The following KCNAB1 variants were observed in gnomAD, a reference collection of about 807,000 sequenced individuals.
KCNAB1 encodes the protein voltage-gated potassium channel subunit beta-1.
KCNAB1 carries 35 observed loss-of-function variants against 64.6 expected under a neutral mutation model. The ratio of observed to expected loss-of-function variants is 0.54; its 90% CI spans 0.41 to 0.72. The LOEUF is 0.72. Among genes scored for constraint, KCNAB1 ranks in the 30% least tolerant of loss-of-function variants. KCNAB1 has a pLI of 0.00. For synonymous variants in KCNAB1, 177 were observed against 183.8 expected (o/e 0.96, Z 0.30); for missense variants, 401 against 512.9 (o/e 0.78, Z 2.11).
chr3:156,467,631 T>TAC (rs1713517923), intron 7 of KCNAB1, among the ~76,000 whole-genome samples: 1 of 151,948 alleles, frequency 6.6e-6, no homozygotes, highest in African/African-American at 2.4e-5. Flanking sequence ...ATATTTTAAA[T>TAC]ATATATATAA....
chr3:156,406,587 T>C (rs1025632261), intron 1 of KCNAB1, among the ~76,000 whole-genome samples: 1 of 152,144 alleles, frequency 6.6e-6, no homozygotes, highest in African/African-American at 2.4e-5. Flanking sequence ...TTCTTCCTAA[T>C]CCAGAGAATC....
chr3:156,513,307 C>T (rs1023365868), intron 8 of KCNAB1, among the ~76,000 whole-genome samples: 3 of 151,984 alleles, frequency 2.0e-5, no homozygotes, highest in Non-Finnish European at 2.9e-5. Context: ...AATCCTGTTC[C>T]GTATCAATCT....
intron 1 of KCNAB1, among the ~76,000 whole-genome samples, chr3:156,293,171 C>A (rs1720559745): frequency 6.6e-6 from 1 of 152,166 alleles, no homozygotes; most frequent in Admixed American, 6.5e-5. Flanking sequence ...TTATGTGACT[C>A]CTGCCTCCTC....
In KCNAB1 at chr3:156,406,135, C is replaced by G. The variant is rs1714231176; in HGVS notation, c.276-15481C>G. 2.0e-5 allele frequency among the ~76,000 whole-genome samples: 3 copies of G among 152,130 alleles called. No individual in the cohort carries two copies. In the South Asian group the frequency reaches 6.2e-4, roughly 32 times the overall value. On this transcript the variant is annotated intron_variant, in intron 1 of 13. Transcript: ENST00000490337. ...GAAATTTGTTAGCAAATGCATCTTA[C>G]ATTGGTATAAATTCAGAGAGCAATA... is the stretch of plus-strand genomic sequence containing the variant.
Position 156,359,922 on chromosome 3 carries a change from C to G in KCNAB1, c.276-61694C>G, listed in dbSNP as rs145402171. Among the ~76,000 whole-genome samples the G allele has an allele frequency of 3.5e-4, 54 of 152,300 alleles. 1 individual carries two copies. Among genetic ancestry groups the G allele is most frequent in the African/African-American group, 1.3e-3 (52 of 41,572 alleles). On this transcript the variant is annotated intron_variant, in intron 1 of 13. Coordinates refer to ENST00000490337, the MANE Select transcript of KCNAB1 (RefSeq NM_172160.3). Reference sequence around the variant, plus strand: ...AAAATCCAAGTTTGTGTCCTATCCTCCCACATACTAGTGGACCATTTTACT... The same window carrying G: ...AAAATCCAAGTTTGTGTCCTATCCTGCCACATACTAGTGGACCATTTTACT...
At chr3:156,382,587 C>T (rs556600706) in intron 1 of KCNAB1, among the ~76,000 whole-genome samples, 7 of 152,122 alleles carry the variant, frequency 4.6e-5, no homozygotes, top group African/African-American at 1.7e-4. Context: ...TGCCATTTAC[C>T]GACTATTTTT....
At chr3:156,193,590 A>G (rs1334149980) in intron 1 of KCNAB1, among the ~76,000 whole-genome samples, 1 of 152,160 alleles carries the variant, frequency 6.6e-6, no homozygotes, top group Non-Finnish European at 1.5e-5. Context: ...CAATCATGGC[A>G]AAAGGGGAAG....
chr3:156,445,152 C>A (rs968194670), intron 2 of KCNAB1, among the ~76,000 whole-genome samples: 1 of 152,030 alleles, frequency 6.6e-6, no homozygotes, highest in East Asian at 1.9e-4. Flanking sequence ...AAAAATTGGC[C>A]GGGCACGGTG....
At chr3:156,361,295 C>T (rs1339048863) in intron 1 of KCNAB1, among the ~76,000 whole-genome samples, 1 of 152,086 alleles carries the variant, frequency 6.6e-6, no homozygotes, top group Non-Finnish European at 1.5e-5. Flanking sequence ...CTGTCTGTTC[C>T]CCAGTTTCAG....
intron 1 of KCNAB1, among the ~76,000 whole-genome samples, chr3:156,256,553 C>G (rs1489781083): frequency 1.3e-5 from 2 of 152,218 alleles, no homozygotes; most frequent in Non-Finnish European, 2.9e-5. Flanking sequence ...TGGATGCTCA[C>G]TGTCTCCTCA....
intron 5 of KCNAB1, among the ~76,000 whole-genome samples, chr3:156,461,766 A>C (rs16826244): frequency 0.017 from 2,592 of 152,316 alleles, 98 homozygotes; most frequent in African/African-American, 0.06. Flanking sequence ...TACCTTTTGT[A>C]GAAAATAGAT....
At chr3:156,453,085 A>G in intron 3 of KCNAB1, 149 bp downstream of exon 3, 1 of 529,524 alleles carries the variant, frequency 1.9e-6, no homozygotes, top group Non-Finnish European at 3.4e-6. Flanking sequence ...ATTATTGTTG[A>G]TTTTATTTTT....
chr3:156,399,135 G>C (rs1194380283), intron 1 of KCNAB1, among the ~76,000 whole-genome samples: 1 of 152,108 alleles, frequency 6.6e-6, no homozygotes, highest in African/African-American at 2.4e-5. Flanking sequence ...GGATATAAAA[G>C]ATACACCAGC....
At chr3:156,153,262 T>C (rs1174743411) in intron 1 of KCNAB1, among the ~76,000 whole-genome samples, 1 of 152,158 alleles carries the variant, frequency 6.6e-6, no homozygotes, top group Non-Finnish European at 1.5e-5. Flanking sequence ...GTATCCTTAT[T>C]TGAGATAGTG....
chr3:156,437,915 T>C (rs1243425642), intron 2 of KCNAB1, among the ~76,000 whole-genome samples: 1 of 152,218 alleles, frequency 6.6e-6, no homozygotes, highest in African/African-American at 2.4e-5. Flanking sequence ...CTCACTGTAC[T>C]GGGACCTCAT....
chr3:156,456,503 T>C, intron 3 of KCNAB1, among the ~76,000 whole-genome samples: 1 of 152,256 alleles, frequency 6.6e-6, no homozygotes, highest in Non-Finnish European at 1.5e-5. Context: ...AGTAATAGCA[T>C]ACTATTATGC....
intron 1 of KCNAB1, among the ~76,000 whole-genome samples, chr3:156,250,598 T>G (rs570005050): frequency 6.6e-6 from 1 of 152,316 alleles, no homozygotes; most frequent in South Asian, 2.1e-4. Context: ...CATTCTCTTT[T>G]TTTACCCTTG....
chr3:156,522,990 T>C (rs1718058775), intron 11 of KCNAB1, among the ~76,000 whole-genome samples: 3 of 152,370 alleles, frequency 2.0e-5, no homozygotes, highest in African/African-American at 7.2e-5. Context: ...GAAGAGTCTA[T>C]TGTTCCCTTT....
At chr3:156,212,900 A>G (rs1576610430) in intron 1 of KCNAB1, among the ~76,000 whole-genome samples, 2 of 152,150 alleles carry the variant, frequency 1.3e-5, no homozygotes, top group South Asian at 4.1e-4. Context: ...CGTGTCAGCT[A>G]GATAGTGCAA....
Sources: allele counts gnomAD v4.1 joint callset (sites outside exome capture counted in the v4.1 genomes callset), GRCh38; gene constraint gnomAD v4.1.1; transcripts MANE v1.5; gene names NCBI Gene and HGNC (gene_info 2026-07-23, HGNC 2026-07-21).